The following DDX50 variants were observed in gnomAD, a reference collection of about 807,000 sequenced individuals.
DDX50 encodes the protein DExD-box helicase 50, also known as ATP-dependent RNA helicase DDX50.
Under a neutral mutation model 94.8 loss-of-function variants are expected in DDX50, and 56 were observed. The observed-to-expected ratio is 0.59, with a 90% confidence interval of 0.48 to 0.74. The LOEUF (loss-of-function observed/expected upper bound fraction) is 0.74. DDX50 is among the 30% of genes least tolerant of loss of function. The pLI, the probability that DDX50 is intolerant of heterozygous loss-of-function variation, is 0.00. For synonymous variants in DDX50, 264 were observed against 295.4 expected (o/e 0.89, Z 1.09); for missense variants, 713 against 881.2 (o/e 0.81, Z 2.42).
chr10:68,936,365 T>G (rs1842406292), intron 11 of DDX50, among the ~76,000 whole-genome samples: 1 of 150,352 alleles, frequency 6.7e-6, no homozygotes, highest in Non-Finnish European at 1.5e-5. Context: ...GGTGGGCGCC[T>G]GTAGTCCCAG....
intron 10 of DDX50, 26 bp from the exon 11 acceptor site, chr10:68,935,979 TC>T: frequency 6.8e-7 from 1 of 1,472,750 alleles, no homozygotes; most frequent in East Asian, 2.3e-5. Flanking sequence ...CTTCCATTTT[TC>T]TTTAATGTAA....
intron 13 of DDX50, among the ~76,000 whole-genome samples, chr10:68,942,127 A>G (rs1311506882): frequency 2.0e-5 from 3 of 152,204 alleles, no homozygotes; most frequent in African/African-American, 7.2e-5. Flanking sequence ...TTATGATTGC[A>G]GTAGTTAAAC....
At chr10:68,911,438 G>T (rs777591839) in intron 4 of DDX50, among the ~76,000 whole-genome samples, 192 bp downstream of exon 4, 2 of 152,194 alleles carry the variant, frequency 1.3e-5, no homozygotes, top group Non-Finnish European at 2.9e-5. Flanking sequence ...ATATGAATGT[G>T]ATGTGTATGG....
In DDX50 at chr10:68,914,141, A is replaced by G. The variant is rs1841715942; in HGVS notation, c.1026A>G (p.Lys342=). The G allele has an allele frequency of 6.2e-7, 1 of 1,612,418 alleles. No individual in the cohort carries two copies. The highest frequency in any genetic ancestry group is 8.5e-7 in the Non-Finnish European group (1 of 1,179,542). Residue 342 remains lysine (K), a synonymous_variant, in exon 7 of 15, where the codon AAA becomes AAG. Coordinates refer to ENST00000373585, the MANE Select transcript of DDX50 (RefSeq NM_024045.2). The part of the protein sequence containing the change: ...WVYKVAKKYM[K]SRYEQVDLVG... ...ACAAAGTTGCAAAAAAATACATGAAATCCAGATATGAACAGGTTGACCTTG... is the reference window on the plus strand; with the variant it reads ...ACAAAGTTGCAAAAAAATACATGAAGTCCAGATATGAACAGGTTGACCTTG...
rs200147426 is a variant in DDX50 at position 68,926,805 on chromosome 10, A to ACACACACACACT, written c.1239+6827_1239+6828insACACACACTCAC. Among the ~76,000 whole-genome samples the ACACACACACACT allele has an allele frequency of 3.8e-3, 573 of 151,230 alleles. 5 individuals are homozygous for ACACACACACACT. Among genetic ancestry groups the ACACACACACACT allele is most frequent in the African/African-American group, 0.013 (523 of 41,082 alleles). The stretch of plus-strand genomic sequence containing the variant: ...CACACACACACACACACACACACAC[A>ACACACACACACT]CACTTTTGGAAAAAAAAATTATTCA... On this transcript the variant is annotated intron_variant, in intron 8 of 14. Transcript: ENST00000373585.
In DDX50 at chr10:68,934,290, C is replaced by T; in HGVS notation, c.1331C>T (p.Ala444Val). ...FREGSFKVLVATNVAARGLDI... is the reference protein window; with the variant it reads ...FREGSFKVLVVTNVAARGLDI... The stretch of plus-strand genomic sequence containing the variant: ...GAAGGTAGTTTTAAAGTTTTGGTGG[C>T]AACCAATGTGGCTGCCCGTGGTTTG... Residue 444 changes from alanine to valine, a missense_variant, in exon 9 of 15, where the codon GCA (alanine) becomes GTA (valine). Ala to Val is a moderately conservative substitution (Grantham distance 64). Around this residue, in one of 2 missense-constraint regions of DDX50, gnomAD observed 428 missense variants for 602.3 expected, o/e 0.71. Coordinates refer to ENST00000373585, the MANE Select transcript of DDX50 (RefSeq NM_024045.2). This position sits in a 1 kb window ranked among gnomAD's most constrained non-coding sequence, Gnocchi z 4.0. 6.2e-7 allele frequency: 1 copy of T among 1,613,626 alleles called. No individual in the cohort carries two copies.
At chr10:68,917,986 G>A (rs943018616) in intron 7 of DDX50, among the ~76,000 whole-genome samples, 12 of 151,130 alleles carry the variant, frequency 7.9e-5, no homozygotes, top group African/African-American at 2.4e-4. Context: ...GTGCAGTGGC[G>A]CAGTCTCAGC....
intron 12 of DDX50, among the ~76,000 whole-genome samples, chr10:68,937,356 G>A (rs565651313): frequency 5.6e-4 from 84 of 151,326 alleles, no homozygotes; most frequent in Middle Eastern, 6.8e-3. Context: ...TTAAAAGTCT[G>A]TATCATGTGC....
chr10:68,936,502 AAAAAAAAAAAAAAATAT>A (rs1478299539), intron 11 of DDX50, among the ~76,000 whole-genome samples: 82 of 46,560 alleles, frequency 1.8e-3, no homozygotes, highest in African/African-American at 6.3e-3. Context: ...AAAAAAAAAA[AAAAAAAAAAAAAAATAT>A]ATATATATAT....
chr10:68,904,533 TGAA>T (rs1479230098), intron 1 of DDX50, among the ~76,000 whole-genome samples: 2 of 152,072 alleles, frequency 1.3e-5, no homozygotes, highest in Non-Finnish European at 2.9e-5. Context: ...GAGGAACCAT[TGAA>T]GAAGATATGT....
At chr10:68,931,061 T>C (rs183560975) in intron 8 of DDX50, among the ~76,000 whole-genome samples, 1 of 152,150 alleles carries the variant, frequency 6.6e-6, no homozygotes, top group Non-Finnish European at 1.5e-5. Context: ...CTAGGTCAGA[T>C]TGTCCTCTTA....
chr10:68,914,076 C>T lies in DDX50; in HGVS notation c.961C>T (p.Gln321Ter). 1 of 1,598,748 alleles carries T rather than the reference C, an allele frequency of 6.3e-7. No individual in the cohort carries two copies. Among genetic ancestry groups the T allele is most frequent in the Non-Finnish European group, 8.5e-7 (1 of 1,176,036 alleles). Residue 321 changes from glutamine (Q) to a stop codon, truncating the protein, a stop_gained, in exon 7 of 15, where the codon CAG (glutamine) becomes TAG (stop). Transcript: ENST00000373585. LOFTEE classifies it high-confidence loss of function. ...SYKTDSEDNPQTLLFSATCPQ... is the reference protein window; with the variant it reads ...SYKTDSEDNP ...TATTTAAGATTCTGAAGACAATCCT[C>T]AGACTTTACTTTTTTCTGCAACTTG...
chr10:68,920,822 G>A (rs1190897604), intron 8 of DDX50, among the ~76,000 whole-genome samples: 1 of 151,494 alleles, frequency 6.6e-6, no homozygotes, highest in Non-Finnish European at 1.5e-5. Context: ...GTGGGCGCCT[G>A]TAATCCCAGC....
intron 1 of DDX50, among the ~76,000 whole-genome samples, chr10:68,902,779 G>C (rs1014798625): frequency 6.6e-6 from 1 of 152,158 alleles, no homozygotes; most frequent in Admixed American, 6.5e-5. Context: ...CCTGTCCAGC[G>C]GTCAAGGCCT....
intron 1 of DDX50, chr10:68,906,445 A>T (rs907228667): frequency 5.9e-5 from 19 of 321,594 alleles, no homozygotes; most frequent in African/African-American, 4.0e-4. Context: ...CTGAGGAGAA[A>T]CCGTTTTAAT....
intron 13 of DDX50, 147 bp downstream of exon 13, chr10:68,941,341 TG>T: frequency 5.4e-6 from 6 of 1,103,586 alleles, no homozygotes; most frequent in Non-Finnish European, 7.6e-6. Flanking sequence ...GTTATAAATT[TG>T]GGGCATTATA....
intron 3 of DDX50, 63 bp downstream of exon 3, chr10:68,910,445 C>A (rs778703795): frequency 3.1e-5 from 44 of 1,403,074 alleles, no homozygotes; most frequent in Non-Finnish European, 4.3e-5. Flanking sequence ...CTCTGTTGCC[C>A]AGGCTGGAGT....
chr10:68,913,923 A>G (rs1279879314), intron 6 of DDX50, 136 bp from the exon 7 acceptor site: 5 of 853,494 alleles, frequency 5.9e-6, no homozygotes, highest in African/African-American at 1.8e-5. Flanking sequence ...TAATAATTGC[A>G]ATGAAGTCTG....
rs77277303 is a variant in DDX50 at position 68,914,045 on chromosome 10, T to G, written c.944-14T>G. 1.3e-6 allele frequency: 2 copies of G among 1,562,818 alleles called. No homozygotes were observed. Among genetic ancestry groups the G allele is most frequent in the South Asian group, 1.2e-5 (1 of 82,562 alleles). On this transcript the variant is annotated splice_polypyrimidine_tract_variant and intron_variant, in intron 6 of 14. Transcript: ENST00000373585. ...AAATTAAGAAAACATTTGAATTCTT[T>G]TTGTTTATTTAAGATTCTGAAGACA...
Sources: gnomAD v4.1 joint callset for allele counts (sites outside exome capture counted in the v4.1 genomes callset) on GRCh38, gnomAD v4.1.1 for gene constraint, gnomAD v4.1.1 regional missense constraint, Gnocchi (gnomAD v3.1) non-coding constraint, MANE v1.5 for transcripts, NCBI Gene and HGNC (gene_info 2026-07-23, HGNC 2026-07-21) for gene names.